TOPAZ1: variants seen among roughly 807,000 people sequenced by gnomAD.
TOPAZ1 encodes the protein testis and ovary specific TOPAZ 1.
In TOPAZ1, 66 loss-of-function variants were observed where a neutral mutation model predicts 172.2. The ratio of observed to expected loss-of-function variants is 0.38; its 90% CI spans 0.31 to 0.47. The LOEUF is 0.47. Ranked by LOEUF, TOPAZ1 falls within the 20% of genes least tolerant of loss-of-function variation. The pLI, the probability that TOPAZ1 is intolerant of heterozygous loss-of-function variation, is 0.99. For missense variants in TOPAZ1, 1,822 were observed against 1,972.4 expected (o/e 0.92, Z 1.44); for synonymous variants, 681 against 683.9 (o/e 1.00, Z 0.07).
At position 44,242,867 on chromosome 3, in the gene TOPAZ1, A is replaced by G. The variant is rs765594390; in HGVS notation, c.361A>G (p.Lys121Glu). The G allele has an allele frequency of 6.7e-7, 1 of 1,502,176 alleles. No individual in the cohort carries two copies. Among genetic ancestry groups the G allele is most frequent in the South Asian group, 1.3e-5 (1 of 75,608 alleles). 93.1% of individuals were successfully genotyped at this position (1,502,176 alleles called of 1,614,324 possible). Residue 121 changes from lysine (K) to glutamate (E), a missense_variant, in exon 2 of 20, where the codon AAA becomes GAA. Lys to Glu is a moderately conservative substitution (Grantham distance 56). Transcript: ENST00000309765. The stretch of plus-strand genomic sequence containing the variant: ...GTTTTGATCAGCCAAGGAAAAAAGA[A>G]AAGTTACTGAAGCCTCAAGTGATGA... The part of the protein sequence containing the change: ...QTERHTKEKR[K>E]VTEASSDDPQ...
chr3:44,260,403 A>G, intron 4 of TOPAZ1, among the ~76,000 whole-genome samples: 1 of 151,998 alleles, frequency 6.6e-6, no homozygotes, highest in East Asian at 1.9e-4. Flanking sequence ...AAAGCCTTTT[A>G]TTTTTATTTA....
chr3:44,332,429 T>A (rs1460710142), downstream of TOPAZ1, among the ~76,000 whole-genome samples: 1 of 152,160 alleles, frequency 6.6e-6, no homozygotes, highest in African/African-American at 2.4e-5. Context: ...TAATCGAGAA[T>A]AATAAAACAA....
At chr3:44,280,688 G>T (rs1315990168) in intron 8 of TOPAZ1, among the ~76,000 whole-genome samples, 1 of 152,156 alleles carries the variant, frequency 6.6e-6, no homozygotes, top group Non-Finnish European at 1.5e-5. Flanking sequence ...AGCAGTGATG[G>T]TTGCAAATAG....
chr3:44,328,127 T>C, intron 18 of TOPAZ1, 123 bp from the exon 19 acceptor site: 2 of 563,286 alleles, frequency 3.6e-6, no homozygotes, highest in South Asian at 3.1e-5. Flanking sequence ...ATGTAATTTG[T>C]TAATCTACTT....
At chr3:44,299,860 C>T (rs1700248283) in intron 12 of TOPAZ1, among the ~76,000 whole-genome samples, 1 of 142,770 alleles carries the variant, frequency 7.0e-6, no homozygotes, top group African/African-American at 2.6e-5. Context: ...GAACAAAAAA[C>T]CAAACACCGC....
intron 9 of TOPAZ1, among the ~76,000 whole-genome samples, chr3:44,284,020 G>T (rs1700052315): frequency 6.6e-6 from 1 of 152,080 alleles, no homozygotes; most frequent in Admixed American, 6.5e-5. Flanking sequence ...TCCAGTCCAG[G>T]ATCAGGTGTG....
chr3:44,257,165 CA>C (rs1192700017), intron 4 of TOPAZ1, among the ~76,000 whole-genome samples: 3 of 150,780 alleles, frequency 2.0e-5, no homozygotes, highest in African/African-American at 7.3e-5. Context: ...CTTGTCTCTA[CA>C]AAAAAAAATT....
At chr3:44,290,017 A>T (rs189392515) in intron 11 of TOPAZ1, among the ~76,000 whole-genome samples, 13 of 152,264 alleles carry the variant, frequency 8.5e-5, no homozygotes, top group Admixed American at 2.6e-4. Context: ...TAGTCATAAT[A>T]CCTTTGAAGT....
chr3:44,325,350 TTGAGA>T (rs1378059769), intron 18 of TOPAZ1, among the ~76,000 whole-genome samples: 1 of 152,198 alleles, frequency 6.6e-6, no homozygotes, highest in African/African-American at 2.4e-5. Flanking sequence ...TATGGCTTTA[TTGAGA>T]TAATTTCACA....
intron 18 of TOPAZ1, among the ~76,000 whole-genome samples, chr3:44,324,421 A>ATG (rs900115431): frequency 2.6e-5 from 4 of 151,768 alleles, no homozygotes; most frequent in Admixed American, 2.0e-4. Flanking sequence ...ACACACATAT[A>ATG]TGTGTGTGTG....
chr3:44,301,105 A>T (rs1700267559), intron 12 of TOPAZ1, among the ~76,000 whole-genome samples: 1 of 152,228 alleles, frequency 6.6e-6, no homozygotes, highest in South Asian at 2.1e-4. Flanking sequence ...AGAACTGATT[A>T]GTGGTTGCCA....
chr3:44,295,856 C>T (rs1311471284), intron 12 of TOPAZ1, among the ~76,000 whole-genome samples: 1 of 152,014 alleles, frequency 6.6e-6, no homozygotes, highest in Non-Finnish European at 1.5e-5. Context: ...AACTAAACAC[C>T]TCCATCAATC....
Position 44,317,345 on chromosome 3 carries a change from C to T in TOPAZ1, c.4307-3682C>T, listed in dbSNP as rs557497824. 1.6e-4 allele frequency among the ~76,000 whole-genome samples: 24 copies of T among 152,218 alleles called. No homozygotes were observed. In the South Asian group the frequency reaches 1.9e-3, roughly 12 times the overall value. On this transcript the variant is annotated intron_variant, in intron 16 of 19. Coordinates refer to ENST00000309765, the MANE Select transcript of TOPAZ1 (RefSeq NM_001145030.2). ...CTGAGGCACAAGAATCATTTAAACC[C>T]GGGAAGCAGAGGTTGCAGTGAGCCA...
chr3:44,304,687 G>A (rs17076626), intron 13 of TOPAZ1, among the ~76,000 whole-genome samples: 23,735 of 152,056 alleles, frequency 0.16, 2,439 homozygotes, highest in African/African-American at 0.29. Flanking sequence ...TTACTTTGTG[G>A]CCACTTTTGT....
At chr3:44,310,025 G>T (rs776053973) in intron 16 of TOPAZ1, 35 bp downstream of exon 16, 1 of 1,504,032 alleles carries the variant, frequency 6.6e-7, no homozygotes, top group Admixed American at 2.4e-5. Context: ...AAAATAATTC[G>T]TTATACTTGT....
intron 18 of TOPAZ1, among the ~76,000 whole-genome samples, chr3:44,323,828 T>A (rs1388757751): frequency 6.6e-6 from 1 of 152,240 alleles, no homozygotes; most frequent in Non-Finnish European, 1.5e-5. Flanking sequence ...CAAATAAGCC[T>A]GGAAAACTAG....
At chr3:44,265,959 A>G (rs191001336) in intron 5 of TOPAZ1, among the ~76,000 whole-genome samples, 194 of 152,354 alleles carry the variant, frequency 1.3e-3, no homozygotes, top group African/African-American at 4.4e-3. Context: ...AGTTTTGTCT[A>G]CATTGAAAAT....
rs762060869 is a variant in TOPAZ1, at chr3:44,279,009, G to A, written c.3373-2959G>A. 1.3e-4 allele frequency among the ~76,000 whole-genome samples: 19 copies of A among 151,896 alleles called. No individual in the cohort carries two copies. In the East Asian group the frequency reaches 2.3e-3, roughly 18 times the overall value. Reference sequence around the variant, plus strand: ...CTTTTAGAATAGTTGTTGCTATATCGCATATATTTTGGTATTTTGTTTTCT... The same window carrying A: ...CTTTTAGAATAGTTGTTGCTATATCACATATATTTTGGTATTTTGTTTTCT... On this transcript the variant is annotated intron_variant, in intron 8 of 19. Transcript: ENST00000309765.
intron 12 of TOPAZ1, among the ~76,000 whole-genome samples, chr3:44,294,821 T>G (rs908134199): frequency 6.6e-6 from 1 of 152,206 alleles, no homozygotes; most frequent in Non-Finnish European, 1.5e-5. Flanking sequence ...ATTATATTTT[T>G]AATTAGCTAG....
Sources: gnomAD v4.1 joint callset for allele counts (sites outside exome capture counted in the v4.1 genomes callset) on GRCh38, gnomAD v4.1.1 for gene constraint, MANE v1.5 for transcripts, NCBI Gene and HGNC (gene_info 2026-07-23, HGNC 2026-07-21) for gene names.